KCNH1: variants seen among roughly 807,000 people sequenced by gnomAD.
KCNH1 encodes potassium voltage-gated channel subfamily H member 1, also known as voltage-gated delayed rectifier potassium channel KCNH1.
KCNH1 carries 27 observed loss-of-function variants against 69.2 expected under a neutral mutation model. The observed-to-expected ratio is 0.39, with a 90% CI of 0.29 to 0.54. The LOEUF is 0.54. KCNH1 is among the 20% of genes least tolerant of loss of function. The pLI, the probability that KCNH1 is intolerant of heterozygous loss-of-function variation, is 0.68. For synonymous variants in KCNH1, 456 were observed against 487.7 expected (o/e 0.93, Z 0.86); for missense variants, 798 against 1,261.6 (o/e 0.63, Z 5.57).
intron 7 of KCNH1, among the ~76,000 whole-genome samples, chr1:210,849,162 C>T (rs1436531601): frequency 6.6e-6 from 1 of 152,052 alleles, no homozygotes; most frequent in Non-Finnish European, 1.5e-5. Flanking sequence ...TATACATATA[C>T]TTGTACAGAA....
chr1:210,684,214 G>A (rs1018707812), intron 10 of KCNH1, 76 bp from the exon 11 acceptor site: 1 of 1,410,836 alleles, frequency 7.1e-7, no homozygotes, highest in African/African-American at 1.4e-5. Context: ...CAGCCCTTCT[G>A]CCTATCTTGG....
At chr1:211,092,913 G>C (rs1691077992) in intron 3 of KCNH1, among the ~76,000 whole-genome samples, 1 of 151,908 alleles carries the variant, frequency 6.6e-6, no homozygotes, top group African/African-American at 2.4e-5. Flanking sequence ...CTTAACAGGT[G>C]AATTTATTTA....
At chr1:210,866,306 AC>A (rs1314629248) in intron 7 of KCNH1, among the ~76,000 whole-genome samples, 1 of 152,194 alleles carries the variant, frequency 6.6e-6, no homozygotes, top group Non-Finnish European at 1.5e-5. Context: ...TGCAAAAGAT[AC>A]CATCAAGCTA....
chr1:210,768,609 C>T (rs1474319338), intron 10 of KCNH1, among the ~76,000 whole-genome samples: 2 of 152,200 alleles, frequency 1.3e-5, no homozygotes, highest in African/African-American at 4.8e-5. Context: ...CACGGAAGAC[C>T]ACAAGGTATA....
intron 7 of KCNH1, among the ~76,000 whole-genome samples, chr1:210,832,606 T>C (rs1046278462): frequency 6.6e-6 from 1 of 151,966 alleles, no homozygotes; most frequent in Non-Finnish European, 1.5e-5. Context: ...TAACAAAAGG[T>C]AACCTCAAAA....
chr1:211,132,550 G>C (rs1691895990), intron 1 of KCNH1: 1 of 152,182 alleles, frequency 6.6e-6, no homozygotes, highest in South Asian at 2.1e-4. Flanking sequence ...TGCTATGCTA[G>C]TTGATGTGTT....
At chr1:210,912,372 A>G (rs1687251770) in intron 7 of KCNH1, among the ~76,000 whole-genome samples, 1 of 152,062 alleles carries the variant, frequency 6.6e-6, no homozygotes, top group Non-Finnish European at 1.5e-5. Context: ...GGCTTCCCTT[A>G]ACTTGCTCTG....
At chr1:210,981,138 C>T (rs1265108127) in intron 6 of KCNH1, among the ~76,000 whole-genome samples, 1 of 152,090 alleles carries the variant, frequency 6.6e-6, no homozygotes, top group African/African-American at 2.4e-5. Flanking sequence ...GAGAAAGCCA[C>T]TCACGATCTC....
intron 6 of KCNH1, among the ~76,000 whole-genome samples, chr1:210,938,449 A>G (rs1385115835): frequency 6.6e-6 from 1 of 152,242 alleles, no homozygotes; most frequent in Non-Finnish European, 1.5e-5. Context: ...TATAAAAATA[A>G]TTAAATAAAA....
chr1:210,712,763 A>ATAAGTAAG (rs34105571), intron 10 of KCNH1, among the ~76,000 whole-genome samples: 1 of 152,086 alleles, frequency 6.6e-6, no homozygotes, highest in Admixed American at 6.5e-5. Context: ...CATTCCTGTT[A>ATAAGTAAG]TAAGTTCATT....
intron 4 of KCNH1, among the ~76,000 whole-genome samples, chr1:211,088,476 C>G (rs1690994941): frequency 6.6e-6 from 1 of 152,202 alleles, no homozygotes; most frequent in African/African-American, 2.4e-5. Context: ...AGAGAATTAT[C>G]ATGTGCTTCC....
intron 6 of KCNH1, among the ~76,000 whole-genome samples, chr1:211,008,714 G>T (rs964754375): frequency 2.6e-5 from 4 of 152,204 alleles, no homozygotes; most frequent in Non-Finnish European, 4.4e-5. Flanking sequence ...GGAGAAATCC[G>T]ATGTTTTGAT....
chr1:210,693,022 C>T (rs1056425882), intron 10 of KCNH1, among the ~76,000 whole-genome samples: 1 of 152,180 alleles, frequency 6.6e-6, no homozygotes, highest in Non-Finnish European at 1.5e-5. Context: ...CTCAGGCCTC[C>T]ACCAGCTGTT....
intron 4 of KCNH1, among the ~76,000 whole-genome samples, chr1:211,084,232 AT>A (rs10719060): frequency 0.75 from 113,567 of 152,100 alleles, 42,922 homozygotes; most frequent in Non-Finnish European, 0.8. Flanking sequence ...ATGAACTAAG[AT>A]TTTTTTAAAA....
chr1:210,925,227 T>C (rs560931196), intron 6 of KCNH1, among the ~76,000 whole-genome samples: 2 of 152,300 alleles, frequency 1.3e-5, no homozygotes, highest in African/African-American at 4.8e-5. Context: ...TCAGTGAGGA[T>C]TGACTGGAAT....
intron 10 of KCNH1, among the ~76,000 whole-genome samples, chr1:210,735,890 G>T (rs556173416): frequency 3.4e-4 from 52 of 151,952 alleles, no homozygotes; most frequent in African/African-American, 1.3e-3. Flanking sequence ...TTTCAGTTTT[G>T]CCAGAACTGT....
intron 6 of KCNH1, among the ~76,000 whole-genome samples, chr1:210,980,615 G>T (rs1387064160): frequency 6.6e-6 from 1 of 152,164 alleles, no homozygotes; most frequent in Non-Finnish European, 1.5e-5. Flanking sequence ...GGAAAGAAAA[G>T]AATCATTTGC....
chr1:210,695,311 T>TGAGA (rs1681615362), intron 10 of KCNH1, among the ~76,000 whole-genome samples: 1 of 152,238 alleles, frequency 6.6e-6, no homozygotes, highest in Admixed American at 6.5e-5. Context: ...TTTCCACTTG[T>TGAGA]GAGAGCATTA....
At chr1:210,765,913 A>C (rs1355041826) in intron 10 of KCNH1, among the ~76,000 whole-genome samples, 4 of 151,708 alleles carry the variant, frequency 2.6e-5, no homozygotes, top group Non-Finnish European at 2.9e-5. Flanking sequence ...AATACAAAAA[A>C]TTAGCCGGGC....
Sources: allele counts gnomAD v4.1 joint callset (sites outside exome capture counted in the v4.1 genomes callset), GRCh38; gene constraint gnomAD v4.1.1; transcripts MANE v1.5; gene names NCBI Gene and HGNC (gene_info 2026-07-23, HGNC 2026-07-21).